Variants in SPATA25 observed in about 807,000 individuals in gnomAD.
The protein encoded by SPATA25 is spermatogenesis-associated protein 25.
SPATA25 carries 16 observed loss-of-function variants against 16.0 expected under a neutral mutation model. The observed-to-expected ratio is 1.00, with a 90% CI of 0.68 to 1.52. The LOEUF (loss-of-function observed/expected upper bound fraction) is 1.52. SPATA25 is among the 40% of genes most tolerant of loss of function. The pLI, the probability that SPATA25 is intolerant of heterozygous loss-of-function variation, is 0.00. For missense variants in SPATA25, 285 were observed against 289.2 expected (o/e 0.99, Z 0.11); for synonymous variants, 115 against 118.5 (o/e 0.97, Z 0.19).
chr20:45,889,669 A>G (rs1346448750), upstream of SPATA25, among the ~76,000 whole-genome samples: 1 of 149,600 alleles, frequency 6.7e-6, no homozygotes, highest in Non-Finnish European at 1.5e-5. Context: ...GCTGGAGTGC[A>G]CTGGTGAGAT....
upstream of SPATA25, chr20:45,890,713 C>T (rs1199382447): frequency 5.0e-6 from 8 of 1,613,638 alleles, no homozygotes; most frequent in African/African-American, 9.3e-5. Context: ...GAACGGGGGC[C>T]AGACTGGCGG....
In SPATA25 at chr20:45,887,604, C is replaced by G. The variant is rs750760318; in HGVS notation, c.-14G>C. Reference sequence around the variant, plus strand: ...GAAGTAGGACATGGCTTCCCCAAAGCCCCGGTTTGTGAGGGAATAGTGATC... The same window carrying G: ...GAAGTAGGACATGGCTTCCCCAAAGGCCCGGTTTGTGAGGGAATAGTGATC... On this transcript the variant is annotated 5_prime_UTR_variant, in exon 1 of 2. Coordinates refer to ENST00000372519, the MANE Select transcript of SPATA25 (RefSeq NM_080608.4). The G allele has an allele frequency of 6.2e-6, 10 of 1,612,810 alleles. No individual in the cohort carries two copies. The highest frequency in any genetic ancestry group is 4.4e-5 in the South Asian group (4 of 90,766).
At chr20:45,890,731 C>T (rs758028799), upstream of SPATA25, 7 of 1,613,214 alleles carry the variant, frequency 4.3e-6, no homozygotes, top group Non-Finnish European at 5.9e-6. Flanking sequence ...CGGGGTCCAG[C>T]GCGGTCAGAC....
chr20:45,886,499 TG>T lies in SPATA25; in HGVS notation c.*17del. The T allele has an allele frequency of 6.5e-7, 1 of 1,546,422 alleles. No homozygotes were observed. Among genetic ancestry groups the T allele is most frequent in the East Asian group, 2.3e-5 (1 of 44,106 alleles). On this transcript the variant is annotated 3_prime_UTR_variant, in exon 2 of 2. Coordinates refer to ENST00000372519, the MANE Select transcript of SPATA25 (RefSeq NM_080608.4). ...ATACGGAGAAACCACCCTACATATC[TG>T]GTGCTATTTCATCCATCTACAAGCA... is the stretch of plus-strand genomic sequence containing the variant.
chr20:45,890,588 G>A, upstream of SPATA25: 1 of 1,612,428 alleles, frequency 6.2e-7, no homozygotes. Flanking sequence ...AGGTCGGCTG[G>A]GGGCCGCTGC....
At chr20:45,888,401 A>G (rs1436562944), upstream of SPATA25, among the ~76,000 whole-genome samples, 3 of 152,196 alleles carry the variant, frequency 2.0e-5, no homozygotes, top group East Asian at 5.8e-4. Context: ...GTACATGAGA[A>G]TCTCTTGAGA....
rs1986478650 is a variant in SPATA25 at position 45,886,577 on chromosome 20, G to A, written c.624C>T (p.Ala208=). 1.9e-6 allele frequency: 3 copies of A among 1,611,548 alleles called. No homozygotes were observed. The highest frequency in any genetic ancestry group is 2.5e-6 in the Non-Finnish European group (3 of 1,178,524). The change falls in exon 2 of 2, where the codon GCC becomes GCT. Residue 208 remains alanine (A), a synonymous_variant. Coordinates refer to ENST00000372519, the MANE Select transcript of SPATA25 (RefSeq NM_080608.4). ...ARWEQAHAHT[A]SGKMPLVRSK... ...ATCTCACTAGGGGCATCTTCCCAGA[G>A]GCTGTGTGGGCATGTGCCTGCTCCC... is the stretch of plus-strand genomic sequence containing the variant.
chr20:45,886,918 G>A lies in SPATA25; in HGVS notation c.283C>T (p.His95Tyr). 6.2e-7 allele frequency: 1 copy of A among 1,614,194 alleles called. No homozygotes were observed. The highest frequency in any genetic ancestry group is 8.5e-7 in the Non-Finnish European group (1 of 1,180,050). ...CCCAAGCTCTCCAGCTGCCTCACAT[G>A]CGGGAATTTGTGGCAGTTTCGGCTG... is the stretch of plus-strand genomic sequence containing the variant. ...EYSRNCHKFP[H>Y]VRQLESLGWD... Residue 95 changes from histidine to tyrosine, a missense_variant, in exon 2 of 2, where the codon CAT (histidine) becomes TAT (tyrosine). By Grantham distance (83) the His-to-Tyr change is moderately conservative (BLOSUM62 2). Coordinates refer to ENST00000372519, the MANE Select transcript of SPATA25 (RefSeq NM_080608.4).
Position 45,886,832 on chromosome 20 carries a change from C to G in SPATA25, c.369G>C (p.Arg123Ser). The stretch of plus-strand genomic sequence containing the variant: ...GTGACAGCCCACACAGCATCAGGGG[C>G]CTAGGCCTGCTGGGGCCACCCAGGT... ...APDLGGPSRP[R>S]PLMLCGLSPR... is the part of the protein sequence containing the mutation. Residue 123 changes from arginine to serine, a missense_variant, in exon 2 of 2, where the codon AGG (arginine) becomes AGC (serine). Arg to Ser is a moderately radical substitution (Grantham distance 110, BLOSUM62 -1). Coordinates refer to ENST00000372519, the MANE Select transcript of SPATA25 (RefSeq NM_080608.4). The G allele has an allele frequency of 6.2e-7, 1 of 1,613,902 alleles. No individual in the cohort carries two copies. Among genetic ancestry groups the G allele is most frequent in the Non-Finnish European group, 8.5e-7 (1 of 1,180,042 alleles).
At chr20:45,887,452 G>T in intron 1 of SPATA25, 84 bp downstream of exon 1, 1 of 1,373,850 alleles carries the variant, frequency 7.3e-7, no homozygotes, top group Non-Finnish European at 1.0e-6. Flanking sequence ...ATGCCCAGCA[G>T]AACCGCCACC....
upstream of SPATA25, chr20:45,890,889 G>A (rs778797215): frequency 3.2e-6 from 5 of 1,566,226 alleles, no homozygotes; most frequent in African/African-American, 5.4e-5. Context: ...GGGTCCACGC[G>A]GATGTTGGCA....
At chr20:45,890,048 C>T, upstream of SPATA25, 3 of 602,848 alleles carry the variant, frequency 5.0e-6, no homozygotes, top group Non-Finnish European at 8.8e-6. Flanking sequence ...GCATCTTAAT[C>T]AATCAACCAA....
chr20:45,886,807 G>A lies in SPATA25; in HGVS notation c.394C>T (p.Pro132Ser). 1 of 1,613,920 alleles carries A rather than the reference G, an allele frequency of 6.2e-7. No individual in the cohort carries two copies. Among genetic ancestry groups the A allele is most frequent in the Non-Finnish European group, 8.5e-7 (1 of 1,180,042 alleles). The change falls in exon 2 of 2, where the codon CCA (proline) becomes TCA (serine). Residue 132 changes from proline (P) to serine (S), a missense_variant. Physicochemically the swap from Pro to Ser is moderately conservative, Grantham distance 74. Coordinates refer to ENST00000372519, the MANE Select transcript of SPATA25 (RefSeq NM_080608.4). ...TCAGAGGGTACCGGTAGAACCCGTG[G>A]TGACAGCCCACACAGCATCAGGGGC... The part of the protein sequence containing the change: ...PRPLMLCGLS[P>S]RVLPVPSEAV...
chr20:45,887,677 A>C, upstream of SPATA25: 1 of 1,274,508 alleles, frequency 7.8e-7, no homozygotes, highest in Non-Finnish European at 1.1e-6. Context: ...CACCTCATAG[A>C]CCCTCCCCTT....
upstream of SPATA25, chr20:45,890,179 G>A (rs1303500092): frequency 7.7e-6 from 12 of 1,562,452 alleles, no homozygotes; most frequent in African/African-American, 1.4e-5. Context: ...CCTAGCACAT[G>A]GGCTACGGAG....
chr20:45,886,553 T>G lies in SPATA25; in HGVS notation c.648A>C (p.Arg216Ser), dbSNP rs1330468580. Reference protein sequence around the residue: ...HTASGKMPLVRSKRGQPPGSC... With the variant: ...HTASGKMPLVSSKRGQPPGSC... ...AGCCAGGAGGCTGGCCCCTTTTAGA[T>G]CTCACTAGGGGCATCTTCCCAGAGG... Residue 216 changes from arginine (R) to serine (S), a missense_variant, in exon 2 of 2, where the codon AGA (arginine) becomes AGC (serine). Transcript: ENST00000372519. 1.3e-6 allele frequency: 2 copies of G among 1,593,370 alleles called. No individual in the cohort carries two copies. The highest frequency in any genetic ancestry group is 4.5e-5 in the East Asian group (2 of 44,410).
At chr20:45,887,425 C>A in intron 1 of SPATA25, 111 bp downstream of exon 1, 3 of 1,066,026 alleles carry the variant, frequency 2.8e-6, no homozygotes, top group Non-Finnish European at 4.0e-6. Context: ...AGAATTGATT[C>A]TAGGGCCAGC....
At chr20:45,890,308 C>A, upstream of SPATA25, 1 of 1,613,476 alleles carries the variant, frequency 6.2e-7, no homozygotes, top group East Asian at 2.2e-5. Flanking sequence ...CGTCCACCAC[C>A]GCGTAGAGGG....
chr20:45,889,101 A>C (rs1312458126), upstream of SPATA25, among the ~76,000 whole-genome samples: 1 of 152,132 alleles, frequency 6.6e-6, no homozygotes, highest in Non-Finnish European at 1.5e-5. Flanking sequence ...TCCCTTCCCC[A>C]TTCACTTAGC....
Sources: gnomAD v4.1 joint callset for allele counts (sites outside exome capture counted in the v4.1 genomes callset) on GRCh38, gnomAD v4.1.1 for gene constraint, MANE v1.5 for transcripts, NCBI Gene and HGNC (gene_info 2026-07-23, HGNC 2026-07-21) for gene names.